Variants in CERT1 observed in about 807,000 individuals in gnomAD.
CERT1 encodes the protein ceramide transporter 1.
A neutral mutation model predicts 87.9 loss-of-function variants in CERT1; 31 were observed. The ratio of observed to expected loss-of-function variants is 0.35; its 90% CI spans 0.27 to 0.48. The LOEUF (loss-of-function observed/expected upper bound fraction) is 0.48. Among genes scored for constraint, CERT1 ranks in the 20% least tolerant of loss-of-function variants. The pLI is 0.99. For missense variants in CERT1, 487 were observed against 758.0 expected (o/e 0.64, Z 4.20); for synonymous variants, 289 against 250.9 (o/e 1.15, Z -1.44).
At chr5:75,511,747 C>A (rs1393170550), upstream of CERT1, 1 of 1,550,960 alleles carries the variant, frequency 6.4e-7, no homozygotes, top group Admixed American at 2.0e-5. Flanking sequence ...GGATCCTCCT[C>A]CCGAACCCTA....
chr5:75,415,206 A>T (rs541106298), intron 7 of CERT1, among the ~76,000 whole-genome samples: 4 of 152,322 alleles, frequency 2.6e-5, no homozygotes, highest in Non-Finnish European at 5.9e-5. Context: ...CATTCCATGT[A>T]AAATGTAACT....
chr5:75,455,668 T>C (rs1424087017), intron 3 of CERT1, among the ~76,000 whole-genome samples: 1 of 151,954 alleles, frequency 6.6e-6, no homozygotes, highest in Non-Finnish European at 1.5e-5. Flanking sequence ...GAAAAATGAG[T>C]TCATATTTAT....
At chr5:75,438,353 A>G (rs576507643) in intron 3 of CERT1, among the ~76,000 whole-genome samples, 2 of 152,280 alleles carry the variant, frequency 1.3e-5, no homozygotes, top group African/African-American at 2.4e-5. Context: ...GAAAACCCAC[A>G]GTTTTTATTT....
At chr5:75,462,608 T>G (rs1765280939) in intron 2 of CERT1, among the ~76,000 whole-genome samples, 1 of 151,680 alleles carries the variant, frequency 6.6e-6, no homozygotes, top group Admixed American at 6.6e-5. Flanking sequence ...CTAAAAAGTT[T>G]AAAGAAGAAT....
chr5:75,483,574 A>G lies in CERT1; in HGVS notation c.231+22408T>C, dbSNP rs903012967. Among the ~76,000 whole-genome samples the G allele has an allele frequency of 8.5e-5, 13 of 152,190 alleles. 1 individual carries two copies. Among genetic ancestry groups the G allele is most frequent in the Non-Finnish European group, 5.9e-5 (4 of 67,998 alleles). ...AATCCAAATAAGTCTACATCAAGGC[A>G]TTAAGATTAAGCATAAAGATCCTAA... is the stretch of plus-strand genomic sequence containing the variant. On this transcript the variant is annotated intron_variant, in intron 2 of 16. Transcript: ENST00000643780.
chr5:75,406,012 A>G (rs958678624), intron 8 of CERT1, among the ~76,000 whole-genome samples: 3 of 152,170 alleles, frequency 2.0e-5, no homozygotes, highest in Non-Finnish European at 2.9e-5. Flanking sequence ...TATATTATAC[A>G]AAAAGTGTCC....
At chr5:75,392,976 A>C (rs1762089687) in intron 11 of CERT1, among the ~76,000 whole-genome samples, 1 of 147,078 alleles carries the variant, frequency 6.8e-6, no homozygotes, top group Non-Finnish European at 1.5e-5. Context: ...TCTCAAAAAA[A>C]AAAAAAAAAA....
chr5:75,456,872 T>C (rs1401127213), intron 3 of CERT1, among the ~76,000 whole-genome samples: 4 of 152,074 alleles, frequency 2.6e-5, no homozygotes, highest in African/African-American at 9.7e-5. Flanking sequence ...ATATACTTCG[T>C]GCATTAATCT....
At chr5:75,511,777 A>T (rs1768023494), upstream of CERT1, 2 of 1,551,426 alleles carry the variant, frequency 1.3e-6, no homozygotes, top group Non-Finnish European at 1.7e-6. Flanking sequence ...CTCCCGGGTG[A>T]CGACGGGTAG....
At chr5:75,478,909 T>TAAAAAAAAAAAAAAAAA (rs11438163) in intron 2 of CERT1, among the ~76,000 whole-genome samples, 2 of 21,766 alleles carry the variant, frequency 9.2e-5, no homozygotes, top group African/African-American at 4.1e-4. Context: ...AAGTAAGTAC[T>TAAAAAAAAAAAAAAAAA]AAAAAAAAAA....
At position 75,457,970 on chromosome 5, in the gene CERT1, T is replaced by TGTGTGTGTGTG. The variant is rs1229651978; in HGVS notation, c.348+1084_348+1094dup. Among the ~76,000 whole-genome samples, 341 of 150,442 alleles carry TGTGTGTGTGTG rather than the reference T, an allele frequency of 2.3e-3. 1 individual carries two copies. Among genetic ancestry groups the TGTGTGTGTGTG allele is most frequent in the African/African-American group, 7.7e-3 (315 of 40,876 alleles). On this transcript the variant is annotated intron_variant, in intron 3 of 16. Coordinates refer to ENST00000643780, the MANE Select transcript of CERT1 (RefSeq NM_001379029.1). ...TGTGCCTGTTAAAAATGTGTGTGTG[T>TGTGTGTGTGTG]GTGTGTGTGTGGTATGTGTGTGTGT...
At position 75,399,392 on chromosome 5, in the gene CERT1, CAG is replaced by C; in HGVS notation, c.1111-7_1111-6del. On this transcript the variant is annotated splice_region_variant and splice_polypyrimidine_tract_variant and intron_variant, in intron 10 of 16. Transcript: ENST00000643780. The stretch of plus-strand genomic sequence containing the variant: ...GGAGGAAGAGCGACTATAGGGCTAC[CAG>C]AGACAGACAAAGAAAAAACCAAGTA... 6.2e-7 allele frequency: 1 copy of C among 1,609,592 alleles called. No homozygotes were observed. The highest frequency in any genetic ancestry group is 8.5e-7 in the Non-Finnish European group (1 of 1,176,244).
intron 3 of CERT1, among the ~76,000 whole-genome samples, chr5:75,429,689 A>C (rs1763786117): frequency 6.6e-6 from 1 of 152,174 alleles, no homozygotes; most frequent in Admixed American, 6.5e-5. Context: ...CCTGTCTCTT[A>C]AACAAGCAAG....
intron 3 of CERT1, among the ~76,000 whole-genome samples, chr5:75,432,209 AC>A (rs1157876562): frequency 6.6e-6 from 1 of 151,560 alleles, no homozygotes; most frequent in Non-Finnish European, 1.5e-5. Context: ...TAGCCACCAC[AC>A]CCGGCTAATT....
At chr5:75,386,125 G>T in intron 12 of CERT1, 91 bp from the exon 13 acceptor site, 1 of 997,194 alleles carries the variant, frequency 1.0e-6, no homozygotes, top group Non-Finnish European at 1.3e-6. Context: ...CTGCTCTTTA[G>T]ATTTTTATGA....
intron 3 of CERT1, among the ~76,000 whole-genome samples, chr5:75,452,661 TCA>T (rs888353098): frequency 4.1e-4 from 62 of 152,288 alleles, no homozygotes; most frequent in African/African-American, 1.1e-3. Flanking sequence ...CAGAAAATGC[TCA>T]CAGAGCCCTT....
At chr5:75,483,816 G>C (rs1766374496) in intron 2 of CERT1, among the ~76,000 whole-genome samples, 1 of 151,874 alleles carries the variant, frequency 6.6e-6, no homozygotes, top group South Asian at 2.1e-4. Flanking sequence ...GACCTGTCTT[G>C]TAAGAGCTGC....
chr5:75,443,439 C>A (rs1764403697), intron 3 of CERT1, among the ~76,000 whole-genome samples: 1 of 151,934 alleles, frequency 6.6e-6, no homozygotes, highest in Admixed American at 6.6e-5. Context: ...GTAATTTTTT[C>A]TTTGATCCAC....
intron 7 of CERT1, among the ~76,000 whole-genome samples, chr5:75,413,274 T>C (rs1763004119): frequency 6.6e-6 from 1 of 152,190 alleles, no homozygotes; most frequent in South Asian, 2.1e-4. Context: ...CGTTATGCAG[T>C]GTATCACTGA....
Sources: gnomAD v4.1 joint callset for allele counts (sites outside exome capture counted in the v4.1 genomes callset) on GRCh38, gnomAD v4.1.1 for gene constraint, MANE v1.5 for transcripts, NCBI Gene and HGNC (gene_info 2026-07-23, HGNC 2026-07-21) for gene names.